ARHGAP21: variants seen among roughly 807,000 people sequenced by gnomAD.
ARHGAP21 encodes rho GTPase-activating protein 21.
Under a neutral mutation model 164.6 loss-of-function variants are expected in ARHGAP21, and 38 were observed. That is an observed-to-expected ratio of 0.23 (90% CI 0.18 to 0.30). ARHGAP21 has a LOEUF of 0.30. ARHGAP21 is among the 10% of genes least tolerant of loss of function. ARHGAP21 has a pLI of 1.00. For synonymous variants in ARHGAP21, 766 were observed against 857.9 expected, an observed-to-expected ratio of 0.89 and a Z score of 1.87; for missense variants, 1,822 against 2,370.7, an observed-to-expected ratio of 0.77 and a Z score of 4.81.
chr10:24,622,647 G>A, intron 8 of ARHGAP21, 86 bp downstream of exon 8: 13 of 1,393,290 alleles, frequency 9.3e-6, no homozygotes, highest in Non-Finnish European at 1.3e-5. Context: ...AAGCAAAAGT[G>A]AACAGTTTTT....
chr10:24,714,165 G>T (rs544300613), intron 2 of ARHGAP21: 1 of 152,238 alleles, frequency 6.6e-6, no homozygotes, highest in East Asian at 1.9e-4. Context: ...ACAGAAAATA[G>T]CTGCATTGAA....
At chr10:24,710,028 T>C (rs1207699458) in intron 2 of ARHGAP21, among the ~76,000 whole-genome samples, 1 of 152,322 alleles carries the variant, frequency 6.6e-6, no homozygotes, top group East Asian at 1.9e-4. Context: ...GTAGATGGTA[T>C]GGAAACTGAT....
At position 24,591,912 on chromosome 10, in the gene ARHGAP21, T is replaced by C. The variant is rs748010884; in HGVS notation, c.3977A>G (p.Lys1326Arg). The change falls in exon 22 of 26, where the codon AAG (lysine) becomes AGG (arginine). Residue 1326 changes from lysine (K) to arginine (R), a missense_variant. Coordinates refer to ENST00000396432, the MANE Select transcript of ARHGAP21 (RefSeq NM_020824.4). The part of the protein sequence containing the change: ...HMVTHMPDQY[K>R]IVETLIQHHD... ...GTGCTGGATGAGCGTTTCTACAATC[T>C]TGTACTGGTCAGGCATGTGGGTGAC... 3 of 1,613,168 alleles carry C rather than the reference T, an allele frequency of 1.9e-6. No homozygotes were observed. Among genetic ancestry groups the C allele is most frequent in the Non-Finnish European group, 2.5e-6 (3 of 1,179,898 alleles).
chr10:24,589,209 A>G (rs2076232086), intron 25 of ARHGAP21, 62 bp downstream of exon 25: 2 of 1,438,050 alleles, frequency 1.4e-6, no homozygotes, highest in Admixed American at 1.7e-5. Flanking sequence ...TGTATCAACC[A>G]TAACAATCAG....
At chr10:24,678,501 G>A (rs2131861258) in intron 2 of ARHGAP21, among the ~76,000 whole-genome samples, 1 of 151,876 alleles carries the variant, frequency 6.6e-6, no homozygotes, top group East Asian at 1.9e-4. Context: ...TCTTTTTGTT[G>A]TTGTTGTTTT....
Position 24,607,599 on chromosome 10 carries a change from A to T in ARHGAP21, c.2584T>A (p.Ser862Thr). Residue 862 changes from serine (S) to threonine (T), a missense_variant and splice_region_variant, in exon 11 of 26, where the codon TCT becomes ACT. Coordinates refer to ENST00000396432, the MANE Select transcript of ARHGAP21 (RefSeq NM_020824.4). The stretch of plus-strand genomic sequence containing the variant: ...GCATCCAGGCTAGGAGGGCCAACAG[A>T]TTCTGTAATTAATTAAAATCCAATA... ...IRRQLSHDHESVGPPSLDAQP... is the reference protein window; with the variant it reads ...IRRQLSHDHETVGPPSLDAQP... 1 of 1,613,770 alleles carries T rather than the reference A, an allele frequency of 6.2e-7. No homozygotes were observed.
intron 21 of ARHGAP21, among the ~76,000 whole-genome samples, chr10:24,593,870 TTCTC>T (rs1309414326): frequency 6.6e-6 from 1 of 152,200 alleles, no homozygotes; most frequent in Non-Finnish European, 1.5e-5. Context: ...TTCACTTCCT[TTCTC>T]TCTTTTTTTT....
intron 4 of ARHGAP21, among the ~76,000 whole-genome samples, chr10:24,659,604 T>G (rs987977001): frequency 1.3e-5 from 2 of 152,230 alleles, no homozygotes; most frequent in Non-Finnish European, 2.9e-5. Flanking sequence ...CGTAAGCCAC[T>G]GCGCCCGGCC....
chr10:24,590,967 A>C, intron 24 of ARHGAP21: 3 of 929,816 alleles, frequency 3.2e-6, no homozygotes, highest in Non-Finnish European at 3.8e-6. Context: ...AAAAGAACAA[A>C]ACAGTGGTTT....
Position 24,591,625 on chromosome 10 carries a change from T to A in ARHGAP21, c.4044+17A>T, listed in dbSNP as rs201727468. ...AAATGAAACTACTGAGTACAAATGC[T>A]GACAGACAATACTTACAAGAGGCTC... On this transcript the variant is annotated intron_variant, in intron 23 of 25. Coordinates refer to ENST00000396432, the MANE Select transcript of ARHGAP21 (RefSeq NM_020824.4). The A allele has an allele frequency of 6.1e-5, 99 of 1,613,438 alleles. No individual in the cohort carries two copies. The highest frequency in any genetic ancestry group is 7.6e-5 in the Non-Finnish European group (90 of 1,179,372).
At chr10:24,650,813 T>C (rs548319775) in intron 4 of ARHGAP21, among the ~76,000 whole-genome samples, 1 of 152,318 alleles carries the variant, frequency 6.6e-6, no homozygotes, top group East Asian at 1.9e-4. Flanking sequence ...GATGGCTTAA[T>C]GGGACAAGCT....
At chr10:24,627,238 G>T (rs1408948165) in intron 7 of ARHGAP21, among the ~76,000 whole-genome samples, 2 of 152,120 alleles carry the variant, frequency 1.3e-5, no homozygotes, top group African/African-American at 4.8e-5. Context: ...TACAGTGGCT[G>T]TAAAAATGTT....
At chr10:24,675,638 A>T (rs1426111852) in intron 2 of ARHGAP21, among the ~76,000 whole-genome samples, 1 of 152,182 alleles carries the variant, frequency 6.6e-6, no homozygotes, top group Non-Finnish European at 1.5e-5. Flanking sequence ...ATGAAATTCA[A>T]GAAAGTGGTT....
chr10:24,716,925 G>A (rs1845448232), intron 2 of ARHGAP21, among the ~76,000 whole-genome samples: 1 of 152,168 alleles, frequency 6.6e-6, no homozygotes, highest in East Asian at 1.9e-4. Context: ...TCAGGATTGT[G>A]GTTTTAGATA....
At chr10:24,638,704 T>C (rs943703797) in intron 4 of ARHGAP21, among the ~76,000 whole-genome samples, 3 of 152,244 alleles carry the variant, frequency 2.0e-5, no homozygotes, top group Non-Finnish European at 4.4e-5. Flanking sequence ...AAATACCTTA[T>C]TCAAATATCA....
At chr10:24,655,863 G>C (rs1354285463) in intron 4 of ARHGAP21, among the ~76,000 whole-genome samples, 3 of 132,804 alleles carry the variant, frequency 2.3e-5, no homozygotes, top group Admixed American at 1.5e-4. Context: ...CCTCTGCCCC[G>C]CCACCCCATC....
chr10:24,630,329 A>C (rs1835732266), intron 6 of ARHGAP21, among the ~76,000 whole-genome samples: 1 of 152,194 alleles, frequency 6.6e-6, no homozygotes, highest in Non-Finnish European at 1.5e-5. Context: ...TAGAAATATA[A>C]AGTATGTTGC....
At chr10:24,648,756 G>T (rs1473987502) in intron 4 of ARHGAP21, 13 of 939,562 alleles carry the variant, frequency 1.4e-5, no homozygotes, top group Middle Eastern at 5.6e-4. Flanking sequence ...TCCAGCCTAA[G>T]CAATAAGAGC....
At chr10:24,640,710 T>C (rs958317006) in intron 4 of ARHGAP21, among the ~76,000 whole-genome samples, 12 of 152,050 alleles carry the variant, frequency 7.9e-5, no homozygotes, top group Non-Finnish European at 1.8e-4. Context: ...CAACACAGAC[T>C]GAAATACATA....
Sources: allele counts gnomAD v4.1 joint callset (sites outside exome capture counted in the v4.1 genomes callset), GRCh38; gene constraint gnomAD v4.1.1; transcripts MANE v1.5; gene names NCBI Gene and HGNC (gene_info 2026-07-23, HGNC 2026-07-21).